Variants in CHPT1 observed in about 807,000 individuals in gnomAD.
CHPT1 encodes choline phosphotransferase 1.
Under a neutral mutation model 47.6 loss-of-function variants are expected in CHPT1, and 36 were observed. The observed-to-expected ratio is 0.76, with a 90% CI of 0.58 to 1.00. The LOEUF is 1.00. CHPT1 is among the 50% of genes least tolerant of loss of function. The pLI is 0.00. For synonymous variants in CHPT1, 194 were observed against 186.3 expected (o/e 1.04, Z -0.33); for missense variants, 458 against 498.1 (o/e 0.92, Z 0.77).
At chr12:101,709,124 G>A (rs1416835646) in intron 1 of CHPT1, among the ~76,000 whole-genome samples, 2 of 148,448 alleles carry the variant, frequency 1.3e-5, no homozygotes, top group Non-Finnish European at 3.0e-5. Flanking sequence ...GGCTAGGCAC[G>A]GTGGCACTCG....
chr12:101,718,888 A>G (rs1951805035), intron 4 of CHPT1, among the ~76,000 whole-genome samples: 2 of 152,082 alleles, frequency 1.3e-5, no homozygotes, highest in East Asian at 1.9e-4. Context: ...CGTTTTTTGT[A>G]GTAACTGTTC....
At chr12:101,700,697 T>C (rs113401653) in intron 1 of CHPT1, among the ~76,000 whole-genome samples, 16 of 146,056 alleles carry the variant, frequency 1.1e-4, no homozygotes, top group African/African-American at 3.6e-4. Flanking sequence ...TTCACATCCA[T>C]GGTTGCATTT....
chr12:101,705,957 C>A (rs1281201881), intron 1 of CHPT1, among the ~76,000 whole-genome samples: 1 of 151,966 alleles, frequency 6.6e-6, no homozygotes, highest in Non-Finnish European at 1.5e-5. Flanking sequence ...AACTCCTGGC[C>A]TCAAGTGATC....
chr12:101,714,757 A>G, intron 3 of CHPT1, 112 bp downstream of exon 3: 2 of 1,145,876 alleles, frequency 1.7e-6, no homozygotes, highest in Non-Finnish European at 2.4e-6. Flanking sequence ...AGTAACTTAA[A>G]TTAATTCGTC....
intron 7 of CHPT1, 118 bp from the exon 8 acceptor site, chr12:101,726,176 A>C (rs1951939949): frequency 1.5e-6 from 1 of 665,028 alleles, no homozygotes; most frequent in South Asian, 2.0e-5. Flanking sequence ...TTTAAAATGT[A>C]GTATTTTTGG....
At chr12:101,717,101 C>A in intron 4 of CHPT1, 3 of 388,556 alleles carry the variant, frequency 7.7e-6, no homozygotes, top group Non-Finnish European at 9.7e-6. Context: ...ACAAAAAACA[C>A]ACATTGGAAT....
At chr12:101,699,567 T>C (rs1448348479) in intron 1 of CHPT1, among the ~76,000 whole-genome samples, 1 of 152,058 alleles carries the variant, frequency 6.6e-6, no homozygotes, top group Non-Finnish European at 1.5e-5. Context: ...TTTGTATTTT[T>C]AGTAGAGACG....
At position 101,708,673 on chromosome 12, in the gene CHPT1, T is replaced by G. The variant is rs1198235032; in HGVS notation, c.274-5417T>G. On this transcript the variant is annotated intron_variant, in intron 1 of 8. Coordinates refer to ENST00000229266, the MANE Select transcript of CHPT1 (RefSeq NM_020244.3). Reference sequence around the variant, plus strand: ...CCCCAGCTGGAGTGCAGTGGCTCACTTCAACCTCTGCCTCCTGGGTTCAAG... The same window carrying G: ...CCCCAGCTGGAGTGCAGTGGCTCACGTCAACCTCTGCCTCCTGGGTTCAAG... Among the ~76,000 whole-genome samples, 8 of 123,786 alleles carry G rather than the reference T, an allele frequency of 6.5e-5. 2 individuals carry two copies. The highest frequency in any genetic ancestry group is 2.5e-4 in the East Asian group (1 of 3,972). The allele number at this position is 123,786 out of a possible 152,430, so 81.2% of individuals were successfully genotyped here. A position where few individuals can be genotyped will look rare whatever the true frequency, so the allele number is the denominator to read the frequency against.
In CHPT1 at chr12:101,714,560, T is replaced by C. The variant is rs1456527428; in HGVS notation, c.478T>C (p.Phe160Leu). 1.2e-6 allele frequency: 2 copies of C among 1,612,216 alleles called. No homozygotes were observed. Among genetic ancestry groups the C allele is most frequent in the East Asian group, 2.2e-5 (1 of 44,748 alleles). ...AARLGTYPDWFFFCSFIGMFV... is the reference protein window; with the variant it reads ...AARLGTYPDWLFFCSFIGMFV... Reference sequence around the variant, plus strand: ...TCGCTTAGGAACTTATCCTGACTGGTTTTTTTTCTGCTCTTTTATTGGGAT... The same window carrying C: ...TCGCTTAGGAACTTATCCTGACTGGCTTTTTTTCTGCTCTTTTATTGGGAT... The change falls in exon 3 of 9, where the codon TTT becomes CTT. Residue 160 changes from phenylalanine to leucine, a missense_variant. By Grantham distance (22) the Phe-to-Leu change is conservative. Transcript: ENST00000229266.
chr12:101,717,209 A>AT (rs1951777199), intron 4 of CHPT1: 1 of 442,648 alleles, frequency 2.3e-6, no homozygotes, highest in South Asian at 1.6e-5. Flanking sequence ...GAAAGTAGTT[A>AT]ATTTGCATTT....
At chr12:101,727,045 G>T (rs917547469) in intron 8 of CHPT1, 1 of 152,076 alleles carries the variant, frequency 6.6e-6, no homozygotes, top group Non-Finnish European at 1.5e-5. Context: ...AAAAACATAC[G>T]AATCTTTATA....
At position 101,729,040 on chromosome 12, in the gene CHPT1, T is replaced by C. The variant is rs1594157094; in HGVS notation, c.*95T>C. On this transcript the variant is annotated 3_prime_UTR_variant, in exon 9 of 9. Coordinates refer to ENST00000229266, the MANE Select transcript of CHPT1 (RefSeq NM_020244.3). Reference sequence around the variant, plus strand: ...AATTTTTATTTAAGTGTTATACCTATTTCAGCAAATAAAATATTTCATTGC... The same window carrying C: ...AATTTTTATTTAAGTGTTATACCTACTTCAGCAAATAAAATATTTCATTGC... The C allele has an allele frequency of 6.2e-7, 1 of 1,609,354 alleles. No homozygotes were observed. Among genetic ancestry groups the C allele is most frequent in the African/African-American group, 1.3e-5 (1 of 74,878 alleles).
chr12:101,716,534 G>A (rs1951765949), intron 3 of CHPT1, among the ~76,000 whole-genome samples, 194 bp from the exon 4 acceptor site: 1 of 152,130 alleles, frequency 6.6e-6, no homozygotes, highest in Non-Finnish European at 1.5e-5. Flanking sequence ...TTACCTATGT[G>A]TGAGCACATG....
intron 1 of CHPT1, among the ~76,000 whole-genome samples, chr12:101,709,923 C>G (rs1462076078): frequency 6.7e-6 from 1 of 148,932 alleles, no homozygotes; most frequent in East Asian, 2.0e-4. Context: ...TGGACCCAGC[C>G]TAAGTGCTTG....
intron 3 of CHPT1, among the ~76,000 whole-genome samples, chr12:101,716,456 T>C (rs1327330602): frequency 2.0e-5 from 3 of 152,204 alleles, no homozygotes; most frequent in East Asian, 3.8e-4. Flanking sequence ...TAAAAGTCTT[T>C]ATAACATCAG....
In CHPT1 at chr12:101,712,491, C is replaced by T. The variant is rs149692844; in HGVS notation, c.274-1599C>T. Among the ~76,000 whole-genome samples the T allele has an allele frequency of 1.2e-3, 172 of 148,534 alleles. 9 individuals are homozygous for T. The highest frequency in any genetic ancestry group is 3.7e-3 in the Middle Eastern group (1 of 270). On this transcript the variant is annotated intron_variant, in intron 1 of 8. Transcript: ENST00000229266. ...ATCATTTATTTCTTCTTATATTTTT[C>T]GTGCCCCATCCGCTCTTTTCTCTTT...
chr12:101,711,726 G>C (rs145335572), intron 1 of CHPT1, among the ~76,000 whole-genome samples: 6 of 148,638 alleles, frequency 4.0e-5, no homozygotes, highest in African/African-American at 1.5e-4. Context: ...ATGTTAATTT[G>C]CTTCAGTTTA....
intron 1 of CHPT1, among the ~76,000 whole-genome samples, chr12:101,702,217 T>G (rs1247512942): frequency 1.3e-5 from 2 of 152,224 alleles, no homozygotes; most frequent in East Asian, 3.8e-4. Flanking sequence ...TCCATGCACT[T>G]GTGTTTGACT....
At chr12:101,721,127 CA>C (rs1346785692) in intron 5 of CHPT1, among the ~76,000 whole-genome samples, 4 of 151,932 alleles carry the variant, frequency 2.6e-5, no homozygotes, top group African/African-American at 9.7e-5. Flanking sequence ...ACCAAAAATA[CA>C]AAAAAATTAG....
Sources: allele counts gnomAD v4.1 joint callset (sites outside exome capture counted in the v4.1 genomes callset), GRCh38; gene constraint gnomAD v4.1.1; transcripts MANE v1.5; gene names NCBI Gene and HGNC (gene_info 2026-07-23, HGNC 2026-07-21).